Variants in ATOSA observed in about 807,000 individuals in gnomAD.
The protein encoded by ATOSA is atos homolog protein A.
the ATOSA span, among the ~76,000 whole-genome samples, chr15:52,648,951 C>G: frequency 6.6e-6 from 1 of 152,196 alleles, no homozygotes; most frequent in East Asian, 1.9e-4. Context: ...AAAGATATTT[C>G]CAGTTTCTCA....
chr15:52,703,428 T>C, the ATOSA span, among the ~76,000 whole-genome samples: 1 of 152,302 alleles, frequency 6.6e-6, no homozygotes, highest in African/African-American at 2.4e-5. Flanking sequence ...TAAATTACCC[T>C]AAGATACTAT....
chr15:52,693,682 C>A, the ATOSA span, among the ~76,000 whole-genome samples: 4 of 152,136 alleles, frequency 2.6e-5, no homozygotes, highest in Non-Finnish European at 5.9e-5. Flanking sequence ...ATTGTCGGTC[C>A]TTCCTCAATC....
chr15:52,669,114 G>A, the ATOSA span, among the ~76,000 whole-genome samples: 1 of 151,924 alleles, frequency 6.6e-6, no homozygotes, highest in South Asian at 2.1e-4. Context: ...TAGAGATGGG[G>A]TTTCACCATT....
chr15:52,698,520 T>C, the ATOSA span, among the ~76,000 whole-genome samples: 1 of 152,164 alleles, frequency 6.6e-6, no homozygotes, highest in Non-Finnish European at 1.5e-5. Flanking sequence ...TTGTAATAGA[T>C]TTACATAATG....
the ATOSA span, among the ~76,000 whole-genome samples, chr15:52,670,154 G>T: frequency 2.0e-5 from 3 of 152,192 alleles, no homozygotes; most frequent in Non-Finnish European, 4.4e-5. Context: ...TATTTCAGAA[G>T]ACAAGGTTGA....
chr15:52,608,489 T>C, the ATOSA span: 1 of 1,421,708 alleles, frequency 7.0e-7, no homozygotes, highest in Non-Finnish European at 9.4e-7. Flanking sequence ...TGGGCCTTTA[T>C]AACCAGATCT....
At chr15:52,652,043 G>A in the ATOSA span, 1 of 1,482,652 alleles carries the variant, frequency 6.7e-7, no homozygotes, top group Non-Finnish European at 8.9e-7. Flanking sequence ...CTCCGTGTAA[G>A]GTTTTTCACA....
chr15:52,603,274 G>A, the ATOSA span, among the ~76,000 whole-genome samples: 17 of 152,264 alleles, frequency 1.1e-4, no homozygotes, highest in African/African-American at 4.1e-4. Flanking sequence ...AAACCATAAT[G>A]AGATGTTGTC....
chr15:52,681,039 A>G, the ATOSA span, among the ~76,000 whole-genome samples: 2 of 152,362 alleles, frequency 1.3e-5, no homozygotes, highest in Non-Finnish European at 2.9e-5. Flanking sequence ...AATGCAAAAG[A>G]GGTAAAAAGA....
At chr15:52,611,343 A>G in the ATOSA span, 9 of 1,499,924 alleles carry the variant, frequency 6.0e-6, no homozygotes, top group African/African-American at 1.4e-5. Flanking sequence ...CCATAAACTT[A>G]TCACTCAGGA....
At chr15:52,638,131 T>C in the ATOSA span, among the ~76,000 whole-genome samples, 1 of 152,206 alleles carries the variant, frequency 6.6e-6, no homozygotes, top group Non-Finnish European at 1.5e-5. Flanking sequence ...AGGTTTACAA[T>C]GTTATCTTGG....
At chr15:52,639,871 C>T in the ATOSA span, among the ~76,000 whole-genome samples, 4 of 151,942 alleles carry the variant, frequency 2.6e-5, no homozygotes, top group Non-Finnish European at 4.4e-5. Flanking sequence ...CTGCCTCAGC[C>T]TCCCAAGTAG....
the ATOSA span, among the ~76,000 whole-genome samples, chr15:52,698,417 A>T: frequency 6.6e-6 from 1 of 152,214 alleles, no homozygotes; most frequent in Non-Finnish European, 1.5e-5. Context: ...ACTTAAAAGA[A>T]ATTAGTGCTA....
the ATOSA span, chr15:52,709,661 T>C: frequency 6.5e-6 from 1 of 152,686 alleles, no homozygotes; most frequent in African/African-American, 2.4e-5. Context: ...CACACATCAC[T>C]TCCCATCTCT....
At chr15:52,611,500 A>T in the ATOSA span, 1 of 1,460,460 alleles carries the variant, frequency 6.8e-7, no homozygotes, top group African/African-American at 1.4e-5. Context: ...GACATGATAC[A>T]TTAAAATAAT....
the ATOSA span, among the ~76,000 whole-genome samples, chr15:52,627,348 A>G: frequency 5.3e-5 from 8 of 152,322 alleles, no homozygotes; most frequent in Admixed American, 2.6e-4. Context: ...ACCTTATTAT[A>G]ATGCCCTGTT....
chr15:52,706,556 A>C, the ATOSA span, among the ~76,000 whole-genome samples: 3 of 152,206 alleles, frequency 2.0e-5, no homozygotes, highest in African/African-American at 7.2e-5. Flanking sequence ...CAAACAACAA[A>C]AAGAAAATGT....
the ATOSA span, chr15:52,605,210 G>T: frequency 1.2e-6 from 2 of 1,610,898 alleles, no homozygotes; most frequent in South Asian, 2.2e-5. Context: ...TGAAAATTAT[G>T]TTTTCGCCAC....
At chr15:52,672,904 A>T in the ATOSA span, among the ~76,000 whole-genome samples, 897 of 152,296 alleles carry the variant, frequency 5.9e-3, 3 homozygotes, top group African/African-American at 0.021. Context: ...TCTGAATCTC[A>T]GAAGTTGTAT....
Sources: gnomAD v4.1 joint callset for allele counts (sites outside exome capture counted in the v4.1 genomes callset) on GRCh38, gnomAD v4.1.1 for gene constraint, MANE v1.5 for transcripts, NCBI Gene and HGNC (gene_info 2026-07-23, HGNC 2026-07-21) for gene names.